The following ANKS1B variants were observed in gnomAD, a reference collection of about 807,000 sequenced individuals.
The protein encoded by ANKS1B is ankyrin repeat and sterile alpha motif domain containing 1B.
In ANKS1B, 36 loss-of-function variants were observed where a neutral mutation model predicts 148.3. That is an observed-to-expected ratio of 0.24 (90% CI 0.19 to 0.32). The LOEUF (loss-of-function observed/expected upper bound fraction) is 0.32, where lower values mean the gene tolerates loss of function less well. Among genes scored for constraint, ANKS1B ranks in the 10% least tolerant of loss-of-function variants. ANKS1B has a pLI of 1.00. For missense variants in ANKS1B, 1,157 were observed against 1,542.6 expected (o/e 0.75, Z 4.19); for synonymous variants, 542 against 560.8 (o/e 0.97, Z 0.47).
intron 10 of ANKS1B, among the ~76,000 whole-genome samples, chr12:99,468,500 G>A (rs995204867): frequency 1.3e-5 from 2 of 152,006 alleles, no homozygotes; most frequent in African/African-American, 4.8e-5. Context: ...GAGTGAACAG[G>A]CAACCTAAAA....
In ANKS1B at chr12:98,855,446, TATTC is replaced by T. The variant is rs555269096; in HGVS notation, c.2779-23314_2779-23311del. On this transcript the variant is annotated intron_variant, in intron 17 of 26. Transcript: ENST00000683438. ...GTCATTTATTGCTGCCTAATGTGCTTATTCATTATTTTTTGAAAATAGAAGCATA... is the reference window on the plus strand; with the variant it reads ...GTCATTTATTGCTGCCTAATGTGCTTATTATTTTTTGAAAATAGAAGCATA... Among the ~76,000 whole-genome samples, 22 of 152,330 alleles carry T rather than the reference TATTC, an allele frequency of 1.4e-4. 1 individual carries two copies. In the East Asian group the frequency reaches 4.0e-3, roughly 28 times the overall value.
At chr12:99,113,821 A>G (rs963472286) in intron 15 of ANKS1B, among the ~76,000 whole-genome samples, 1 of 152,188 alleles carries the variant, frequency 6.6e-6, no homozygotes, top group South Asian at 2.1e-4. Context: ...CTAGGAGTGT[A>G]TAACTCTTCT....
chr12:99,381,222 T>C (rs996156026), intron 12 of ANKS1B, among the ~76,000 whole-genome samples: 10 of 152,094 alleles, frequency 6.6e-5, no homozygotes, highest in African/African-American at 1.7e-4. Context: ...GTGGTACTTT[T>C]TGTGGCATCC....
chr12:99,413,865 G>A (rs895529734), intron 11 of ANKS1B, among the ~76,000 whole-genome samples: 6 of 152,172 alleles, frequency 3.9e-5, no homozygotes, highest in Non-Finnish European at 8.8e-5. Context: ...CCTGCTAGCT[G>A]TTGATGTTCT....
At chr12:99,075,937 C>T (rs1438315797) in intron 16 of ANKS1B, among the ~76,000 whole-genome samples, 1 of 149,862 alleles carries the variant, frequency 6.7e-6, no homozygotes, top group Non-Finnish European at 1.5e-5. Flanking sequence ...TAATGTTATA[C>T]AATATAGCAT....
At chr12:99,839,061 G>A in intron 1 of ANKS1B, among the ~76,000 whole-genome samples, 1 of 151,918 alleles carries the variant, frequency 6.6e-6, no homozygotes, top group Non-Finnish European at 1.5e-5. Context: ...TTTATCATGG[G>A]TTTATTCATC....
intron 14 of ANKS1B, among the ~76,000 whole-genome samples, chr12:99,160,912 C>T (rs1242080428): frequency 2.0e-5 from 3 of 152,090 alleles, no homozygotes; most frequent in African/African-American, 7.2e-5. Context: ...TGTGTTTGTA[C>T]CAGTACCATG....
intron 17 of ANKS1B, among the ~76,000 whole-genome samples, chr12:98,928,696 G>A (rs527875691): frequency 9.9e-4 from 151 of 151,980 alleles, no homozygotes; most frequent in African/African-American, 3.4e-3. Context: ...ATTACGTTAT[G>A]AGCACAATAG....
intron 17 of ANKS1B, among the ~76,000 whole-genome samples, chr12:98,838,840 G>C (rs1289985036): frequency 6.6e-6 from 1 of 152,198 alleles, no homozygotes; most frequent in African/African-American, 2.4e-5. Context: ...GGTGGAAACT[G>C]ATCTGCTTTG....
intron 17 of ANKS1B, among the ~76,000 whole-genome samples, chr12:98,897,613 T>C (rs916706540): frequency 2.0e-5 from 3 of 152,184 alleles, no homozygotes; most frequent in Non-Finnish European, 2.9e-5. Context: ...TATACACAAT[T>C]GGTGGGAATG....
At chr12:98,780,177 C>T (rs1344398382) in intron 24 of ANKS1B, among the ~76,000 whole-genome samples, 3 of 152,126 alleles carry the variant, frequency 2.0e-5, no homozygotes, top group Non-Finnish European at 2.9e-5. Context: ...ACTTCTGTTC[C>T]CTTTCTCCAA....
intron 14 of ANKS1B, among the ~76,000 whole-genome samples, chr12:99,185,317 C>T (rs1391132906): frequency 6.6e-6 from 1 of 152,206 alleles, no homozygotes; most frequent in Non-Finnish European, 1.5e-5. Context: ...GAAATTTAGA[C>T]ATTTACTCAC....
intron 15 of ANKS1B, among the ~76,000 whole-genome samples, chr12:99,133,838 C>G (rs538005583): frequency 6.6e-6 from 1 of 152,092 alleles, no homozygotes; most frequent in Non-Finnish European, 1.5e-5. Flanking sequence ...TGATAACTAG[C>G]GCCTGAACTT....
intron 8 of ANKS1B, among the ~76,000 whole-genome samples, chr12:99,751,754 A>G (rs1426076583): frequency 6.6e-6 from 1 of 152,126 alleles, no homozygotes; most frequent in Non-Finnish European, 1.5e-5. Context: ...ATCAGAATTT[A>G]TAACTACTTA....
intron 25 of ANKS1B, 107 bp downstream of exon 25, chr12:98,772,935 C>A (rs1341181559): frequency 2.4e-6 from 3 of 1,265,914 alleles, no homozygotes; most frequent in Non-Finnish European, 3.3e-6. Context: ...TATCTTAATA[C>A]CGGGTAAACA....
At chr12:99,887,771 T>C (rs1054715714) in intron 1 of ANKS1B, among the ~76,000 whole-genome samples, 1 of 152,218 alleles carries the variant, frequency 6.6e-6, no homozygotes, top group African/African-American at 2.4e-5. Flanking sequence ...TTTTCCTCCT[T>C]TTTCCTAATC....
At chr12:99,756,927 A>G (rs1190406620) in intron 8 of ANKS1B, among the ~76,000 whole-genome samples, 1 of 152,084 alleles carries the variant, frequency 6.6e-6, no homozygotes, top group East Asian at 1.9e-4. Flanking sequence ...CCTTCCTCAT[A>G]CCATATACAA....
rs556783100 is a variant in ANKS1B, at chr12:98,774,776, C to T, written c.3442-1597G>A. Among the ~76,000 whole-genome samples, 70 of 152,214 alleles carry T rather than the reference C, an allele frequency of 4.6e-4. No individual in the cohort carries two copies. In the South Asian group the frequency reaches 0.014, roughly 31 times the overall value. The stretch of plus-strand genomic sequence containing the variant: ...CCTCACTTTACCAAGCTGAGTGGTT[C>T]GGAGGCAATTACAGAATTAACTCAC... On this transcript the variant is annotated intron_variant, in intron 24 of 26. Transcript: ENST00000683438.
chr12:99,338,882 G>A (rs1308558935), intron 12 of ANKS1B, among the ~76,000 whole-genome samples: 1 of 152,140 alleles, frequency 6.6e-6, no homozygotes. Flanking sequence ...TTATTTGACT[G>A]TGGCTGAGCT....
Sources: gnomAD v4.1 joint callset for allele counts (sites outside exome capture counted in the v4.1 genomes callset) on GRCh38, gnomAD v4.1.1 for gene constraint, MANE v1.5 for transcripts, NCBI Gene and HGNC (gene_info 2026-07-23, HGNC 2026-07-21) for gene names.